CACNA1S: variants seen among roughly 807,000 people sequenced by gnomAD.
The protein encoded by CACNA1S is voltage-dependent L-type calcium channel subunit alpha-1S.
In CACNA1S, 126 loss-of-function variants were observed where a neutral mutation model predicts 207.4. The ratio of observed to expected loss-of-function variants is 0.61; its 90% CI spans 0.53 to 0.70. The LOEUF is 0.70. Ranked by LOEUF, CACNA1S falls within the 30% of genes least tolerant of loss-of-function variation. CACNA1S has a pLI of 0.00. For missense variants in CACNA1S, 2,349 were observed against 2,422.8 expected, an observed-to-expected ratio of 0.97 and a Z score of 0.64; for synonymous variants, 960 against 932.7, an observed-to-expected ratio of 1.03 and a Z score of -0.53.
chr1:201,055,114 T>A (rs1230790365), intron 28 of CACNA1S, among the ~76,000 whole-genome samples: 1 of 152,216 alleles, frequency 6.6e-6, no homozygotes, highest in Non-Finnish European at 1.5e-5. Flanking sequence ...ATTCGGGCTC[T>A]TGAAGAGCAG....
chr1:201,104,807 TC>T (rs556109160), intron 2 of CACNA1S, among the ~76,000 whole-genome samples: 240 of 152,368 alleles, frequency 1.6e-3, no homozygotes, highest in African/African-American at 5.4e-3. Flanking sequence ...TCCACATTGG[TC>T]CCCTCAGCCT....
intron 6 of CACNA1S, 23 bp downstream of exon 6, chr1:201,089,235 T>G (rs1171344697): frequency 1.2e-6 from 2 of 1,611,134 alleles, no homozygotes; most frequent in Non-Finnish European, 1.7e-6. Flanking sequence ...GAGATGGTTC[T>G]GCAGGCGCGG....
At chr1:201,065,394 T>TTTA (rs1474433262) in intron 22 of CACNA1S, among the ~76,000 whole-genome samples, 3 of 152,242 alleles carry the variant, frequency 2.0e-5, no homozygotes, top group African/African-American at 7.2e-5. Flanking sequence ...GAGAGTTGTA[T>TTTA]TTATAGATTG....
Position 201,053,166 on chromosome 1 carries a change from T to A in CACNA1S, c.3861+43A>T, listed in dbSNP as rs367791710. 19 of 1,610,376 alleles carry A rather than the reference T, an allele frequency of 1.2e-5. No homozygotes were observed. The highest frequency in any genetic ancestry group is 3.3e-5 in the Admixed American group (2 of 60,014). ...GGGTCCACTGATGCCCCCTCTAACT[T>A]GGCCAAGATCCATGCTTTGGCCTGG... On this transcript the variant is annotated intron_variant, in intron 31 of 43. Transcript: ENST00000362061. This position sits in a 1 kb window ranked among gnomAD's most constrained non-coding sequence, Gnocchi z 5.1.
intron 32 of CACNA1S, among the ~76,000 whole-genome samples, chr1:201,052,356 A>T (rs1558057119): frequency 6.6e-6 from 1 of 152,166 alleles, no homozygotes; most frequent in Non-Finnish European, 1.5e-5. Flanking sequence ...CTGTGGGACC[A>T]CTTGTTCAAA....
intron 41 of CACNA1S, 75 bp downstream of exon 41, chr1:201,041,429 C>CT: frequency 8.5e-7 from 1 of 1,174,218 alleles, no homozygotes; most frequent in South Asian, 1.3e-5. Context: ...TTCCCAGACT[C>CT]TAAGAAAAGA....
intron 15 of CACNA1S, among the ~76,000 whole-genome samples, 166 bp from the exon 16 acceptor site, chr1:201,072,990 G>A (rs745315785): frequency 1.5e-4 from 23 of 152,178 alleles, no homozygotes; most frequent in African/African-American, 2.4e-5. Flanking sequence ...GAGAGGCCAG[G>A]CCCAGCAAGG....
At chr1:201,095,738 C>T (rs756173969) in intron 2 of CACNA1S, among the ~76,000 whole-genome samples, 5 of 152,196 alleles carry the variant, frequency 3.3e-5, no homozygotes, top group Admixed American at 6.5e-5. Flanking sequence ...TGTGAAAGGG[C>T]CTGTTGATGG....
chr1:201,091,558 G>C, intron 5 of CACNA1S, 82 bp downstream of exon 5: 1 of 1,496,362 alleles, frequency 6.7e-7, no homozygotes, highest in Non-Finnish European at 9.3e-7. Flanking sequence ...TGAGCTCCGG[G>C]CTCCTTCACC....
chr1:201,095,158 A>C (rs1324727396), intron 2 of CACNA1S, among the ~76,000 whole-genome samples: 1 of 148,448 alleles, frequency 6.7e-6, no homozygotes, highest in Non-Finnish European at 1.5e-5. Context: ...ATATATATAC[A>C]TATATATATA....
chr1:201,051,838 G>A (rs921707846), intron 32 of CACNA1S, among the ~76,000 whole-genome samples: 8 of 152,198 alleles, frequency 5.3e-5, no homozygotes, highest in Non-Finnish European at 1.0e-4. Context: ...CTCGGGTTTG[G>A]AGTTGAGGTG....
intron 2 of CACNA1S, among the ~76,000 whole-genome samples, chr1:201,095,052 C>A (rs1342506759): frequency 6.6e-6 from 1 of 152,088 alleles, no homozygotes; most frequent in East Asian, 1.9e-4. Context: ...CAGATTAGCA[C>A]AGCCTCCCGA....
chr1:201,044,252 T>C, intron 39 of CACNA1S, 76 bp downstream of exon 39: 1 of 1,588,674 alleles, frequency 6.3e-7, no homozygotes, highest in Non-Finnish European at 8.6e-7. Flanking sequence ...GTGGCTGGGC[T>C]CCCAGCCCTC....
intron 2 of CACNA1S, among the ~76,000 whole-genome samples, chr1:201,106,444 A>T (rs1662890752): frequency 6.6e-6 from 1 of 152,002 alleles, no homozygotes; most frequent in African/African-American, 2.4e-5. Flanking sequence ...CTCTGCCCAG[A>T]ATCCCCTCTC....
chr1:201,092,688 T>C (rs1662283430), intron 3 of CACNA1S, among the ~76,000 whole-genome samples: 2 of 152,198 alleles, frequency 1.3e-5, no homozygotes, highest in African/African-American at 4.8e-5. Flanking sequence ...GAAACAACAA[T>C]GCGCTGTGAG....
At chr1:201,054,131 C>G (rs1660750086) in intron 29 of CACNA1S, among the ~76,000 whole-genome samples, 1 of 152,252 alleles carries the variant, frequency 6.6e-6, no homozygotes, top group Admixed American at 6.5e-5. Flanking sequence ...ACGAAATACT[C>G]TGGAAGGGGA....
rs199852936 is a variant in CACNA1S, at chr1:201,075,484, C to T, written c.1948+11G>A. On this transcript the variant is annotated intron_variant, in intron 13 of 43. Transcript: ENST00000362061. Reference sequence around the variant, plus strand: ...TAAGCTCTTTTCTGCACCCTGCTCCCGAGAGGATACAGTTGCCACAGACGA... The same window carrying T: ...TAAGCTCTTTTCTGCACCCTGCTCCTGAGAGGATACAGTTGCCACAGACGA... The T allele has an allele frequency of 1.3e-4, 202 of 1,613,574 alleles. 1 individual carries two copies. The highest frequency in any genetic ancestry group is 5.6e-4 in the South Asian group (51 of 91,018).
intron 2 of CACNA1S, among the ~76,000 whole-genome samples, chr1:201,099,316 G>A (rs138229281): frequency 3.3e-5 from 5 of 152,316 alleles, no homozygotes; most frequent in South Asian, 2.1e-4. Flanking sequence ...CATGTGCCCC[G>A]CTGGAGGGTT....
intron 7 of CACNA1S, among the ~76,000 whole-genome samples, chr1:201,086,430 C>A (rs1306512637): frequency 1.3e-5 from 2 of 152,242 alleles, no homozygotes; most frequent in Non-Finnish European, 2.9e-5. Flanking sequence ...CATCTCTGTG[C>A]AGACATCAAG....
Sources: allele counts gnomAD v4.1 joint callset (sites outside exome capture counted in the v4.1 genomes callset), GRCh38; gene constraint gnomAD v4.1.1; non-coding constraint Gnocchi (gnomAD v3.1); transcripts MANE v1.5; gene names NCBI Gene and HGNC (gene_info 2026-07-23, HGNC 2026-07-21).